COMMD10: variants seen among roughly 807,000 people sequenced by gnomAD.
COMMD10 encodes COMM domain-containing protein 10.
A neutral mutation model predicts 28.9 loss-of-function variants in COMMD10; 33 were observed. That is an observed-to-expected ratio of 1.14 (90% CI 0.87 to 1.53). The LOEUF (loss-of-function observed/expected upper bound fraction) is 1.53, where lower values mean the gene tolerates loss of function less well. COMMD10 is among the 40% of genes most tolerant of loss of function. The probability of loss-of-function intolerance (pLI) is 0.00; values close to 1 mark genes in which losing one functional copy is unlikely to be tolerated. For synonymous variants in COMMD10, 110 were observed against 81.7 expected (o/e 1.35, Z -1.87); for missense variants, 310 against 233.4 (o/e 1.33, Z -2.14).
At chr5:116,202,019 TA>T (rs1748680372) in intron 5 of COMMD10, among the ~76,000 whole-genome samples, 1 of 150,714 alleles carries the variant, frequency 6.6e-6, no homozygotes, top group African/African-American at 2.4e-5. Context: ...GTATATCTCC[TA>T]ATGCTATCTC....
At chr5:116,246,790 GA>G (rs1190947862) in intron 5 of COMMD10, among the ~76,000 whole-genome samples, 1 of 152,106 alleles carries the variant, frequency 6.6e-6, no homozygotes, top group African/African-American at 2.4e-5. Context: ...GCCGTATGCA[GA>G]AGGTTGAAAC....
At chr5:116,120,946 T>A (rs1164688565) in intron 4 of COMMD10, among the ~76,000 whole-genome samples, 1 of 152,108 alleles carries the variant, frequency 6.6e-6, no homozygotes, top group East Asian at 1.9e-4. Context: ...ATATGTTTTG[T>A]ATGTGTATAT....
At chr5:116,256,200 G>C (rs1256842763) in intron 5 of COMMD10, among the ~76,000 whole-genome samples, 1 of 151,668 alleles carries the variant, frequency 6.6e-6, no homozygotes, top group East Asian at 1.9e-4. Context: ...ACAGTATAAT[G>C]AGAGTTAACC....
At chr5:116,288,139 C>A (rs1486393715) in intron 5 of COMMD10, among the ~76,000 whole-genome samples, 2 of 151,900 alleles carry the variant, frequency 1.3e-5, no homozygotes, top group African/African-American at 4.8e-5. Context: ...ACTCCCATGG[C>A]TTTTCTTTAT....
intron 5 of COMMD10, among the ~76,000 whole-genome samples, chr5:116,185,038 A>T (rs1178007458): frequency 6.6e-6 from 1 of 152,056 alleles, no homozygotes; most frequent in Non-Finnish European, 1.5e-5. Context: ...AATGTGTGAT[A>T]AAAGTTTTGG....
intron 5 of COMMD10, among the ~76,000 whole-genome samples, chr5:116,175,347 G>C (rs1753469422): frequency 6.6e-6 from 1 of 152,082 alleles, no homozygotes; most frequent in South Asian, 2.1e-4. Context: ...GTTTTAAGTA[G>C]ATGTCCTTAT....
intron 5 of COMMD10, among the ~76,000 whole-genome samples, chr5:116,169,368 C>CA (rs907763719): frequency 4.6e-5 from 7 of 151,568 alleles, no homozygotes; most frequent in Non-Finnish European, 7.4e-5. Context: ...GGCTACCAAC[C>CA]AAAAAAAAGC....
At chr5:116,268,750 T>A (rs1281415621) in intron 5 of COMMD10, among the ~76,000 whole-genome samples, 1 of 151,886 alleles carries the variant, frequency 6.6e-6, no homozygotes, top group Non-Finnish European at 1.5e-5. Context: ...ACATGCACCA[T>A]GGAATACTGT....
Position 116,243,380 on chromosome 5 carries a change from A to G in COMMD10, c.511-48137A>G, listed in dbSNP as rs139485590. On this transcript the variant is annotated intron_variant, in intron 5 of 6. Coordinates refer to ENST00000274458, the MANE Select transcript of COMMD10 (RefSeq NM_016144.4). ...CTGAATAGGAGAGTATCTTACATCC[A>G]CTGCCAGAAAATATCACCCCAGAAG... 2.6e-3 allele frequency among the ~76,000 whole-genome samples: 393 copies of G among 152,268 alleles called. 1 individual carries two copies. The highest frequency in any genetic ancestry group is 4.4e-3 in the Non-Finnish European group (301 of 67,994).
At chr5:116,276,669 A>G (rs1428936122) in intron 5 of COMMD10, among the ~76,000 whole-genome samples, 1 of 151,916 alleles carries the variant, frequency 6.6e-6, no homozygotes, top group Non-Finnish European at 1.5e-5. Flanking sequence ...AAATTAAGAT[A>G]CAAGCCTTGC....
At chr5:116,175,948 G>A (rs1561649366) in intron 5 of COMMD10, among the ~76,000 whole-genome samples, 1 of 152,082 alleles carries the variant, frequency 6.6e-6, no homozygotes, top group African/African-American at 2.4e-5. Context: ...GAGATGGATG[G>A]TGGTGATGGT....
intron 5 of COMMD10, among the ~76,000 whole-genome samples, chr5:116,201,335 T>G (rs1387595855): frequency 6.6e-6 from 1 of 152,166 alleles, no homozygotes; most frequent in Non-Finnish European, 1.5e-5. Context: ...CAGATCAAGT[T>G]TCTGGAGGTT....
At chr5:116,149,232 C>T (rs982149060) in intron 5 of COMMD10, among the ~76,000 whole-genome samples, 14 of 146,146 alleles carry the variant, frequency 9.6e-5, no homozygotes, top group Admixed American at 2.0e-4. Context: ...ATATGTGACA[C>T]ATTTTCTTAA....
chr5:116,201,758 G>A (rs950928646), intron 5 of COMMD10, among the ~76,000 whole-genome samples: 5 of 152,180 alleles, frequency 3.3e-5, no homozygotes, highest in East Asian at 3.9e-4. Flanking sequence ...AGAAGTTGTC[G>A]TTGGGTTTCA....
chr5:116,233,532 G>C (rs553446542), intron 5 of COMMD10, among the ~76,000 whole-genome samples: 1 of 152,178 alleles, frequency 6.6e-6, no homozygotes, highest in African/African-American at 2.4e-5. Flanking sequence ...AAAACAACTA[G>C]GTTGTCTAAT....
intron 5 of COMMD10, among the ~76,000 whole-genome samples, chr5:116,228,095 C>T (rs186701027): frequency 2.0e-5 from 3 of 152,056 alleles, no homozygotes; most frequent in African/African-American, 7.2e-5. Context: ...AATACAGTTA[C>T]TATGATTCTT....
intron 5 of COMMD10, among the ~76,000 whole-genome samples, chr5:116,266,651 A>C (rs1406350274): frequency 6.6e-6 from 1 of 151,752 alleles, no homozygotes; most frequent in East Asian, 1.9e-4. Context: ...TTTCACAGAG[A>C]ATTTTAGCCC....
At chr5:116,261,516 G>A (rs1750443412) in intron 5 of COMMD10, among the ~76,000 whole-genome samples, 1 of 151,658 alleles carries the variant, frequency 6.6e-6, no homozygotes, top group Admixed American at 6.6e-5. Context: ...GCAGCCTGCA[G>A]CTGGGGACTT....
rs144003437 is a variant in COMMD10 at position 116,200,609 on chromosome 5, G to A, written c.510+66431G>A. On this transcript the variant is annotated intron_variant, in intron 5 of 6. Coordinates refer to ENST00000274458, the MANE Select transcript of COMMD10 (RefSeq NM_016144.4). ...CATTTCCTCCTGGGTTTTTTGTTTTGTTTTGTTTTGTTTTTGTCTTTGCTT... is the reference window on the plus strand; with the variant it reads ...CATTTCCTCCTGGGTTTTTTGTTTTATTTTGTTTTGTTTTTGTCTTTGCTT... Among the ~76,000 whole-genome samples the A allele has an allele frequency of 4.4e-3, 665 of 151,124 alleles. 3 individuals are homozygous for A. Among genetic ancestry groups the A allele is most frequent in the Admixed American group, 7.1e-3 (108 of 15,164 alleles).
Sources: allele counts gnomAD v4.1 joint callset (sites outside exome capture counted in the v4.1 genomes callset), GRCh38; gene constraint gnomAD v4.1.1; transcripts MANE v1.5; gene names NCBI Gene and HGNC (gene_info 2026-07-23, HGNC 2026-07-21).